ALK: variants seen among roughly 807,000 people sequenced by gnomAD.
ALK encodes ALK receptor tyrosine kinase.
ALK carries 74 observed loss-of-function variants against 163.1 expected under a neutral mutation model. That is an observed-to-expected ratio of 0.45 (90% CI 0.38 to 0.55). The LOEUF (loss-of-function observed/expected upper bound fraction) is 0.55, where lower values mean the gene tolerates loss of function less well. Among genes scored for constraint, ALK ranks in the 20% least tolerant of loss-of-function variants. ALK has a pLI of 0.00. For synonymous variants in ALK, 960 were observed against 843.2 expected (o/e 1.14, Z -2.40); for missense variants, 2,063 against 2,105.3 (o/e 0.98, Z 0.39).
At chr2:29,274,327 G>C (rs1271323941) in intron 11 of ALK, among the ~76,000 whole-genome samples, 1 of 152,204 alleles carries the variant, frequency 6.6e-6, no homozygotes, top group Non-Finnish European at 1.5e-5. Flanking sequence ...ATCTTTTATA[G>C]GAAAAAGAGT....
At chr2:29,264,364 G>A (rs577873949) in intron 11 of ALK, among the ~76,000 whole-genome samples, 17 of 152,316 alleles carry the variant, frequency 1.1e-4, no homozygotes, top group Admixed American at 2.6e-4. Context: ...GGAACCTGAA[G>A]TTTTTTTCCC....
chr2:29,657,863 T>C (rs1186358079), intron 3 of ALK, among the ~76,000 whole-genome samples: 1 of 152,130 alleles, frequency 6.6e-6, no homozygotes, highest in South Asian at 2.1e-4. Flanking sequence ...CTTTGGCAAC[T>C]GGTGTTAGGG....
At chr2:29,459,544 T>C (rs2148100809) in intron 4 of ALK, among the ~76,000 whole-genome samples, 1 of 151,712 alleles carries the variant, frequency 6.6e-6, no homozygotes, top group South Asian at 2.1e-4. Flanking sequence ...TGGCTAAGGA[T>C]GGGCATGTTC....
intron 1 of ALK, among the ~76,000 whole-genome samples, chr2:29,768,709 A>ATGTGTG (rs1167040416): frequency 7.3e-5 from 1 of 13,642 alleles, no homozygotes; most frequent in Non-Finnish European, 1.8e-4. Flanking sequence ...TAAATTATAT[A>ATGTGTG]TGTCTGTGTG....
intron 1 of ALK, among the ~76,000 whole-genome samples, chr2:29,862,840 G>A (rs867629908): frequency 1.3e-5 from 2 of 151,534 alleles, no homozygotes; most frequent in Non-Finnish European, 2.9e-5. Flanking sequence ...AAAAAACTGG[G>A]GGCATCACAC....
chr2:29,514,544 C>G (rs540970194), intron 4 of ALK, among the ~76,000 whole-genome samples: 1 of 152,066 alleles, frequency 6.6e-6, no homozygotes, highest in Non-Finnish European at 1.5e-5. Context: ...GAAAGATGGT[C>G]CACATCTTTC....
chr2:29,308,646 A>G (rs1033408641), intron 8 of ALK, among the ~76,000 whole-genome samples: 4 of 152,244 alleles, frequency 2.6e-5, no homozygotes, highest in African/African-American at 9.6e-5. Context: ...TTTTTTACGT[A>G]TCACGTAATA....
chr2:29,910,860 G>A (rs528338283), intron 1 of ALK, among the ~76,000 whole-genome samples: 3 of 152,180 alleles, frequency 2.0e-5, no homozygotes, highest in African/African-American at 7.2e-5. Context: ...AATTACAGAT[G>A]GAAACTCTGA....
intron 1 of ALK, among the ~76,000 whole-genome samples, chr2:29,784,441 A>G (rs1481810775): frequency 2.6e-5 from 4 of 152,194 alleles, no homozygotes; most frequent in African/African-American, 9.7e-5. Context: ...CACGCCTGTA[A>G]TCCCAGCACT....
rs548318395 is a variant in ALK, at chr2:29,785,520, G to A, written c.668-67823C>T. 5.9e-4 allele frequency among the ~76,000 whole-genome samples: 90 copies of A among 152,218 alleles called. 1 individual carries two copies. The highest frequency in any genetic ancestry group is 1.8e-3 in the African/African-American group (75 of 41,526). On this transcript the variant is annotated intron_variant, in intron 1 of 28. Coordinates refer to ENST00000389048, the MANE Select transcript of ALK (RefSeq NM_004304.5). ...CCCAAATACATCTGAAAGATGATTCGATTTACAAAAGTTCCATTTGTCCAC... is the reference window on the plus strand; with the variant it reads ...CCCAAATACATCTGAAAGATGATTCAATTTACAAAAGTTCCATTTGTCCAC...
chr2:29,812,418 A>G (rs1284568895), intron 1 of ALK, among the ~76,000 whole-genome samples: 2 of 152,164 alleles, frequency 1.3e-5, no homozygotes, highest in African/African-American at 4.8e-5. Context: ...GTTGTGTACA[A>G]TTAGGTCTCG....
At chr2:29,504,587 C>A (rs1359774505) in intron 4 of ALK, among the ~76,000 whole-genome samples, 2 of 151,878 alleles carry the variant, frequency 1.3e-5, no homozygotes, top group Non-Finnish European at 2.9e-5. Flanking sequence ...ACAGGGTTTG[C>A]TCTCATGGGG....
At chr2:29,560,897 T>G (rs1674003731) in intron 3 of ALK, among the ~76,000 whole-genome samples, 1 of 151,868 alleles carries the variant, frequency 6.6e-6, no homozygotes, top group African/African-American at 2.4e-5. Flanking sequence ...TACTAAAAAT[T>G]ATTGATTTTT....
At chr2:29,466,844 T>C (rs1671225167) in intron 4 of ALK, among the ~76,000 whole-genome samples, 2 of 152,268 alleles carry the variant, frequency 1.3e-5, no homozygotes, top group South Asian at 2.1e-4. Context: ...CTCTGGATCA[T>C]TGAAGTGATT....
chr2:29,227,586 G>C lies in ALK; in HGVS notation c.2902C>G (p.Pro968Ala). Residue 968 changes from proline to alanine, a missense_variant, in exon 17 of 29, where the codon CCA becomes GCA. Pro to Ala is a conservative substitution (Grantham distance 27). Transcript: ENST00000389048. The surrounding 1 kb of genome is among the most constrained non-coding windows in gnomAD (Gnocchi z 4.4). ...GCAGAGAAGCTACCTTTTAAAGCTG[G>C]GGTGTACAGGATGCCCAGTGGACTG... ...FISPLGILYT[P>A]ALKVMEGHGE... is the part of the protein sequence containing the mutation. 6.2e-7 allele frequency: 1 copy of C among 1,613,814 alleles called. No homozygotes were observed.
At position 29,683,825 on chromosome 2, in the gene ALK, G is replaced by A. The variant is rs1573553526; in HGVS notation, c.952+11025C>T. On this transcript the variant is annotated intron_variant, in intron 3 of 28. Coordinates refer to ENST00000389048, the MANE Select transcript of ALK (RefSeq NM_004304.5). ...CACTTGCTTCAGGCTGCTGTGGCTGGTTGACTGCTGTCAGGCAGGGCTGTG... is the reference window on the plus strand; with the variant it reads ...CACTTGCTTCAGGCTGCTGTGGCTGATTGACTGCTGTCAGGCAGGGCTGTG... Among the ~76,000 whole-genome samples the A allele has an allele frequency of 3.3e-5, 5 of 152,166 alleles. No homozygotes were observed. The South Asian group carries it at 1.0e-3, about 32-fold the overall frequency.
At chr2:29,579,972 G>A (rs190660336) in intron 3 of ALK, among the ~76,000 whole-genome samples, 24 of 152,220 alleles carry the variant, frequency 1.6e-4, no homozygotes, top group Admixed American at 1.5e-3. Context: ...TGGGCTGAGA[G>A]GTCCCTGCAT....
At chr2:29,195,487 C>G (rs888920967) in intron 28 of ALK, among the ~76,000 whole-genome samples, 3 of 152,156 alleles carry the variant, frequency 2.0e-5, no homozygotes, top group Non-Finnish European at 4.4e-5. Flanking sequence ...TGTGGCAGCA[C>G]TTTGGGAGGC....
At chr2:29,447,050 C>T (rs1174674746) in intron 4 of ALK, among the ~76,000 whole-genome samples, 1 of 152,182 alleles carries the variant, frequency 6.6e-6, no homozygotes, top group Non-Finnish European at 1.5e-5. Flanking sequence ...GGAACCAACC[C>T]TCCCCTAAGG....
Sources: gnomAD v4.1 joint callset for allele counts (sites outside exome capture counted in the v4.1 genomes callset) on GRCh38, gnomAD v4.1.1 for gene constraint, Gnocchi (gnomAD v3.1) non-coding constraint, MANE v1.5 for transcripts, NCBI Gene and HGNC (gene_info 2026-07-23, HGNC 2026-07-21) for gene names.